THNSL2: variants seen among roughly 807,000 people sequenced by gnomAD.
THNSL2 encodes the protein threonine synthase-like 2.
Under a neutral mutation model 40.0 loss-of-function variants are expected in THNSL2, and 34 were observed. That is an observed-to-expected ratio of 0.85 (90% confidence interval 0.65 to 1.13). THNSL2 has a LOEUF of 1.13. Among genes scored for constraint, THNSL2 ranks in the 50% most tolerant of loss-of-function variants. The pLI is 0.00. For synonymous variants in THNSL2, 241 were observed against 247.5 expected (o/e 0.97, Z 0.25); for missense variants, 537 against 608.8 (o/e 0.88, Z 1.24).
chr2:88,180,211 G>C (rs908790397), intron 5 of THNSL2, among the ~76,000 whole-genome samples: 2 of 152,200 alleles, frequency 1.3e-5, no homozygotes, highest in African/African-American at 4.8e-5. Context: ...ATTTGCTGAG[G>C]GTGTTCCTAT....
Position 88,173,261 on chromosome 2 carries a change from G to T in THNSL2, c.111G>T (p.Gln37His). Residue 37 changes from glutamine (Q) to histidine (H), a missense_variant, in exon 2 of 9, where the codon CAG becomes CAT. By Grantham distance (24) the Gln-to-His change is conservative (BLOSUM62 0). Transcript: ENST00000674334. ...GGLFMPEELP[Q>H]LDRGTLCQWS... Reference sequence around the variant, plus strand: ...TCTTTATGCCTGAAGAGCTCCCACAGTTGGACAGAGGGACCCTGTGCCAGT... The same window carrying T: ...TCTTTATGCCTGAAGAGCTCCCACATTTGGACAGAGGGACCCTGTGCCAGT... The T allele has an allele frequency of 6.2e-7, 1 of 1,612,404 alleles. No homozygotes were observed.
chr2:88,172,294 T>A (rs1676457152), intron 1 of THNSL2: 1 of 152,168 alleles, frequency 6.6e-6, no homozygotes, highest in Non-Finnish European at 1.5e-5. Flanking sequence ...GCCTAAGGGG[T>A]CCTGGGCTTC....
chr2:88,179,111 G>A, intron 5 of THNSL2, 98 bp downstream of exon 5: 1 of 1,228,794 alleles, frequency 8.1e-7, no homozygotes. Context: ...GGAGAAGGAA[G>A]GTGGAGTCCC....
At chr2:88,179,848 C>T (rs541738356) in intron 5 of THNSL2, among the ~76,000 whole-genome samples, 10 of 152,256 alleles carry the variant, frequency 6.6e-5, no homozygotes, top group South Asian at 6.2e-4. Flanking sequence ...GGGCCAGAAG[C>T]GCGACCCAGG....
At chr2:88,182,900 T>A in intron 6 of THNSL2, 48 bp from the exon 7 acceptor site, 1 of 1,612,224 alleles carries the variant, frequency 6.2e-7, no homozygotes, top group Non-Finnish European at 8.5e-7. Flanking sequence ...TGGGTGGGGC[T>A]CGATGGGGCT....
At chr2:88,172,834 G>A (rs916289796) in intron 1 of THNSL2, 4 of 226,258 alleles carry the variant, frequency 1.8e-5, no homozygotes, top group African/African-American at 4.5e-5. Context: ...TGTCCCCACC[G>A]CCAGGCCTTC....
intron 7 of THNSL2, 144 bp from the exon 8 acceptor site, chr2:88,185,184 C>T (rs934967055): frequency 8.6e-7 from 1 of 1,168,178 alleles, no homozygotes. Flanking sequence ...CAGATTTTTA[C>T]TGTGAGCCAC....
intron 5 of THNSL2, among the ~76,000 whole-genome samples, chr2:88,181,572 G>A (rs1289110761): frequency 1.7e-5 from 2 of 115,928 alleles, no homozygotes. Flanking sequence ...TCTCTCTCTT[G>A]CTGTGTGTGT....
rs1487352546 is a variant in THNSL2 at position 88,178,994 on chromosome 2, G to A, written c.783G>A (p.Gly261=). The change falls in exon 5 of 9, where the codon GGG becomes GGA. Residue 261 remains glycine (G), a synonymous_variant. Coordinates refer to ENST00000674334, the MANE Select transcript of THNSL2 (RefSeq NM_018271.5). ...LPLVEVVVPT[G]AAGNLAAGYI... is the part of the protein sequence containing the mutation. ...TGGTGGAGGTGGTTGTGCCAACAGG[G>A]GCTGCCGGTAACCTTGCAGGTAAGG... The A allele has an allele frequency of 2.5e-6, 4 of 1,614,180 alleles. No homozygotes were observed. In the South Asian group the frequency reaches 4.4e-5, roughly 18 times the overall value.
rs1164137890 is a variant in THNSL2 at position 88,185,594 on chromosome 2, A to G, written c.1229+115A>G. 5 of 1,551,536 alleles carry G rather than the reference A, an allele frequency of 3.2e-6. No homozygotes were observed. The East Asian group carries it at 1.2e-4, about 38-fold the overall frequency. ...GAAAAAATGGCTGTAATGGAGTGTG[A>G]TGGGTGCTGTGTGGAACTGTGCCTT... On this transcript the variant is annotated intron_variant, in intron 8 of 8. Transcript: ENST00000674334.
Position 88,173,388 on chromosome 2 carries a change from CT to C in THNSL2, c.223+16del. ...TGAATTAAATGGTGAGTGCTCCCAC[CT>C]GTACTTTCACTCTTCCAGCCCCTGC... On this transcript the variant is annotated intron_variant, in intron 2 of 8. Transcript: ENST00000674334. 1.3e-6 allele frequency: 2 copies of C among 1,569,918 alleles called. No individual in the cohort carries two copies. The highest frequency in any genetic ancestry group is 1.7e-6 in the Non-Finnish European group (2 of 1,155,112).
chr2:88,182,699 C>A lies in THNSL2; in HGVS notation c.803C>A (p.Ala268Asp). The A allele has an allele frequency of 6.2e-7, 1 of 1,602,104 alleles. No individual in the cohort carries two copies. Among genetic ancestry groups the A allele is most frequent in the Non-Finnish European group, 8.5e-7 (1 of 1,170,896 alleles). ...VPTGAAGNLA[A>D]GYIAQKIGLP... is the part of the protein sequence containing the mutation. ...TGTTCTCCTCCTCTCTTGTCTTAAG[C>A]TGGGTACATTGCTCAAAAGATAGGC... The change falls in exon 6 of 9, where the codon GCT becomes GAT. Residue 268 changes from alanine (A) to aspartate (D), a missense_variant and splice_region_variant. Ala to Asp is a moderately radical substitution (Grantham distance 126). Transcript: ENST00000674334.
chr2:88,172,574 C>T (rs1676480573), intron 1 of THNSL2: 1 of 152,196 alleles, frequency 6.6e-6, no homozygotes, highest in Non-Finnish European at 1.5e-5. Flanking sequence ...AGGAGCCTCT[C>T]ATTTAGAGTC....
Position 88,178,702 on chromosome 2 carries a change from G to C in THNSL2, c.572-81G>C. Reference sequence around the variant, plus strand: ...CCAGGAGGGTGGGCTCAGCCTGGGAGGGCCCTGTCGCAGGTGAGTGCTGAC... The same window carrying C: ...CCAGGAGGGTGGGCTCAGCCTGGGACGGCCCTGTCGCAGGTGAGTGCTGAC... On this transcript the variant is annotated intron_variant, in intron 4 of 8. Coordinates refer to ENST00000674334, the MANE Select transcript of THNSL2 (RefSeq NM_018271.5). 2.0e-6 allele frequency: 3 copies of C among 1,483,096 alleles called. No homozygotes were observed. The East Asian group carries it at 6.8e-5, about 34-fold the overall frequency. The allele number at this position is 1,483,096 out of a possible 1,614,324, so 91.9% of individuals were successfully genotyped here.
intron 5 of THNSL2, among the ~76,000 whole-genome samples, chr2:88,179,982 A>G (rs1291459786): frequency 6.6e-6 from 1 of 152,230 alleles, no homozygotes; most frequent in Non-Finnish European, 1.5e-5. Flanking sequence ...CTTAGTGGTT[A>G]GGAAGCTTCC....
At position 88,170,414 on chromosome 2, in the gene THNSL2, T is replaced by TCGCGCACCGGGCCCCGCGCCC. The variant is rs1553460735; in HGVS notation, c.-50_-49insACCGGGCCCCGCGCCCCGCGC. 1.1e-3 allele frequency: 164 copies of TCGCGCACCGGGCCCCGCGCCC among 149,162 alleles called. No individual in the cohort carries two copies. Among genetic ancestry groups the TCGCGCACCGGGCCCCGCGCCC allele is most frequent in the Middle Eastern group, 3.5e-3 (1 of 288 alleles). 9.2% of individuals were successfully genotyped at this position (149,162 alleles called of 1,614,324 possible). A position where few individuals can be genotyped will look rare whatever the true frequency, so the allele number is the denominator to read the frequency against. On this transcript the variant is annotated 5_prime_UTR_variant, in exon 1 of 9. Transcript: ENST00000674334. Reference sequence around the variant, plus strand: ...GGGCAGCCCTGCTGCGCACCGGGCCTCGCGCCCCGCGCCCCGCGCCCCGCG... The same window carrying TCGCGCACCGGGCCCCGCGCCC: ...GGGCAGCCCTGCTGCGCACCGGGCCTCGCGCACCGGGCCCCGCGCCCCGCGCCCCGCGCCCCGCGCCCCGCG...
intron 1 of THNSL2, chr2:88,171,379 C>G: frequency 1.1e-5 from 5 of 453,794 alleles, no homozygotes; most frequent in South Asian, 7.8e-5. Flanking sequence ...GTCCTCTGTT[C>G]CTGGACAGTT....
chr2:88,178,730 C>T (rs1677202095), intron 4 of THNSL2, 53 bp from the exon 5 acceptor site: 11 of 1,603,062 alleles, frequency 6.9e-6, no homozygotes, highest in South Asian at 3.3e-5. Context: ...GTGCTGACCT[C>T]CTGGGGGTTC....
chr2:88,175,223 G>A (rs753622329), intron 3 of THNSL2, 26 bp from the exon 4 acceptor site: 1 of 1,609,288 alleles, frequency 6.2e-7, no homozygotes, highest in South Asian at 1.1e-5. Context: ...TCTAAAGGGG[G>A]AGAGTTCTCC....
Sources: gnomAD v4.1 joint callset for allele counts (sites outside exome capture counted in the v4.1 genomes callset) on GRCh38, gnomAD v4.1.1 for gene constraint, MANE v1.5 for transcripts, NCBI Gene and HGNC (gene_info 2026-07-23, HGNC 2026-07-21) for gene names.